The following ADAMTSL1 variants were observed in gnomAD, a reference collection of about 807,000 sequenced individuals.
ADAMTSL1 encodes ADAMTS like 1.
In ADAMTSL1, 126 loss-of-function variants were observed where a neutral mutation model predicts 201.8. The observed-to-expected ratio is 0.62, with a 90% CI of 0.54 to 0.72. The LOEUF (loss-of-function observed/expected upper bound fraction) is 0.72. ADAMTSL1 is among the 30% of genes least tolerant of loss of function. ADAMTSL1 has a pLI of 0.00. For synonymous variants in ADAMTSL1, 1,121 were observed against 903.4 expected, an observed-to-expected ratio of 1.24 and a Z score of -4.32; for missense variants, 2,679 against 2,277.8, an observed-to-expected ratio of 1.18 and a Z score of -3.59.
At chr9:18,318,303 T>C (rs1834487107) in intron 2 of ADAMTSL1, among the ~76,000 whole-genome samples, 1 of 152,206 alleles carries the variant, frequency 6.6e-6, no homozygotes, top group Non-Finnish European at 1.5e-5. Flanking sequence ...CGGGTACTTC[T>C]ATTTTCTTGA....
intron 1 of ADAMTSL1, among the ~76,000 whole-genome samples, chr9:17,940,514 T>C (rs899415396): frequency 5.3e-5 from 8 of 151,828 alleles, no homozygotes; most frequent in African/African-American, 1.9e-4. Context: ...AAAACCAATT[T>C]AGGGTGGGCA....
intron 2 of ADAMTSL1, among the ~76,000 whole-genome samples, chr9:18,412,175 C>G (rs1171812207): frequency 6.6e-6 from 1 of 152,172 alleles, no homozygotes; most frequent in Non-Finnish European, 1.5e-5. Context: ...AAATTCAGAT[C>G]TAGAGGCATT....
intron 2 of ADAMTSL1, among the ~76,000 whole-genome samples, chr9:18,335,322 T>A (rs1835189071): frequency 6.6e-6 from 1 of 152,150 alleles, no homozygotes; most frequent in African/African-American, 2.4e-5. Context: ...TTTTTTATTA[T>A]GTTTATTTAT....
At chr9:18,604,886 CT>C (rs1171834781) in intron 4 of ADAMTSL1, among the ~76,000 whole-genome samples, 3 of 152,198 alleles carry the variant, frequency 2.0e-5, no homozygotes, top group Non-Finnish European at 2.9e-5. Context: ...GTTCTGCCTC[CT>C]ACTCATGCCT....
intron 1 of ADAMTSL1, among the ~76,000 whole-genome samples, chr9:18,125,405 G>A (rs759763611): frequency 3.2e-4 from 49 of 152,108 alleles, no homozygotes; most frequent in Non-Finnish European, 6.0e-4. Context: ...TTAAGATTTG[G>A]GTAGGGACAC....
intron 4 of ADAMTSL1, among the ~76,000 whole-genome samples, chr9:18,612,971 C>A (rs544372495): frequency 6.6e-6 from 1 of 152,074 alleles, no homozygotes; most frequent in South Asian, 2.1e-4. Flanking sequence ...ATGCATCTGA[C>A]AAAGGTCTAA....
chr9:18,140,848 A>G (rs530465827), intron 1 of ADAMTSL1, among the ~76,000 whole-genome samples: 9 of 152,290 alleles, frequency 5.9e-5, no homozygotes, highest in African/African-American at 2.2e-4. Flanking sequence ...GGAAATAAAG[A>G]TCCCAGAATA....
chr9:17,970,400 C>G (rs1431375577), intron 1 of ADAMTSL1, among the ~76,000 whole-genome samples: 1 of 151,978 alleles, frequency 6.6e-6, no homozygotes, highest in Non-Finnish European at 1.5e-5. Flanking sequence ...GTCTAAAACC[C>G]TTGGATGACT....
intron 2 of ADAMTSL1, among the ~76,000 whole-genome samples, chr9:18,265,933 C>T (rs957480176): frequency 2.0e-5 from 3 of 152,204 alleles, no homozygotes; most frequent in Middle Eastern, 3.4e-3. Flanking sequence ...AGACCTGGCT[C>T]CTGCCAACAG....
chr9:18,482,896 C>T (rs1391507626), intron 1 of ADAMTSL1, among the ~76,000 whole-genome samples: 1 of 152,190 alleles, frequency 6.6e-6, no homozygotes, highest in East Asian at 1.9e-4. Flanking sequence ...AACCATTTGT[C>T]ACTGAGACCT....
chr9:18,900,405 G>A (rs925594043), intron 26 of ADAMTSL1, among the ~76,000 whole-genome samples: 1 of 152,130 alleles, frequency 6.6e-6, no homozygotes, highest in Non-Finnish European at 1.5e-5. Context: ...AATACCATTT[G>A]ACCCAGCAAT....
At chr9:18,501,009 T>C (rs894369596) in intron 1 of ADAMTSL1, among the ~76,000 whole-genome samples, 3 of 152,192 alleles carry the variant, frequency 2.0e-5, no homozygotes, top group Admixed American at 6.5e-5. Context: ...ATTACATTTA[T>C]CTGACGAAAA....
intron 2 of ADAMTSL1, among the ~76,000 whole-genome samples, chr9:18,213,891 T>G (rs1385313266): frequency 6.6e-6 from 1 of 152,000 alleles, no homozygotes; most frequent in Non-Finnish European, 1.5e-5. Context: ...ACGCCTGGCT[T>G]GCTTGCTTAT....
intron 2 of ADAMTSL1, among the ~76,000 whole-genome samples, chr9:18,254,199 A>C (rs1831578302): frequency 6.6e-6 from 1 of 152,096 alleles, no homozygotes; most frequent in African/African-American, 2.4e-5. Context: ...GTTTGCTATG[A>C]GATAAACTCT....
chr9:18,235,164 C>T (rs890987171), intron 2 of ADAMTSL1, among the ~76,000 whole-genome samples: 1 of 152,162 alleles, frequency 6.6e-6, no homozygotes, highest in African/African-American at 2.4e-5. Context: ...CCCTAGGCTC[C>T]CCTTGGCTAG....
chr9:17,974,882 A>T (rs11788965), intron 1 of ADAMTSL1, among the ~76,000 whole-genome samples: 25,114 of 152,028 alleles, frequency 0.17, 2,526 homozygotes, highest in Middle Eastern at 0.26. Context: ...GATACATACC[A>T]GAATGGGGAT....
intron 23 of ADAMTSL1, among the ~76,000 whole-genome samples, chr9:18,837,293 T>C (rs1349656821): frequency 1.3e-5 from 2 of 152,250 alleles, no homozygotes; most frequent in East Asian, 1.9e-4. Context: ...AAGCTATATA[T>C]TGAAGTTTGT....
At chr9:18,743,844 A>G (rs2133563310) in intron 15 of ADAMTSL1, among the ~76,000 whole-genome samples, 1 of 152,268 alleles carries the variant, frequency 6.6e-6, no homozygotes, top group African/African-American at 2.4e-5. Context: ...GGTTTTCTAG[A>G]ATACAGTGGT....
rs576510688 is a variant in ADAMTSL1, at chr9:18,316,551, G to C, written c.207+152570G>C. On this transcript the variant is annotated intron_variant, in intron 2 of 29. Transcript: ENST00000680146. ...TTTGAAAGAAGAGAAATATGGCTCT[G>C]TTCCGCCTGGCTCACTGGTGGTCAG... 3.0e-4 allele frequency among the ~76,000 whole-genome samples: 45 copies of C among 152,184 alleles called. 1 individual carries two copies. The South Asian group carries it at 7.9e-3, about 27-fold the overall frequency.
Sources: gnomAD v4.1 joint callset for allele counts (sites outside exome capture counted in the v4.1 genomes callset) on GRCh38, gnomAD v4.1.1 for gene constraint, MANE v1.5 for transcripts, NCBI Gene and HGNC (gene_info 2026-07-23, HGNC 2026-07-21) for gene names.